The following SLC35F2 variants were observed in gnomAD, a reference collection of about 807,000 sequenced individuals.
SLC35F2 encodes solute carrier family 35 member F2, also known as queuine/queuosine transporter SLC35F2.
A neutral mutation model predicts 38.1 loss-of-function variants in SLC35F2; 25 were observed. The observed-to-expected ratio is 0.66, with a 90% CI of 0.48 to 0.92. The LOEUF is 0.92. SLC35F2 is among the 40% of genes least tolerant of loss of function. The pLI is 0.00. For missense variants in SLC35F2, 409 were observed against 452.9 expected, an observed-to-expected ratio of 0.90 and a Z score of 0.88; for synonymous variants, 173 against 181.7, an observed-to-expected ratio of 0.95 and a Z score of 0.38.
intron 7 of SLC35F2, among the ~76,000 whole-genome samples, chr11:107,800,034 G>A (rs187692960): frequency 4.1e-3 from 610 of 148,976 alleles, no homozygotes; most frequent in African/African-American, 0.014. Context: ...GATTACAGGC[G>A]TATGCCACCA....
At chr11:107,816,267 C>CATGTGT in intron 1 of SLC35F2, 1 of 953,656 alleles carries the variant, frequency 1.0e-6, no homozygotes, top group African/African-American at 1.8e-5. Context: ...AAAGTGCGCA[C>CATGTGT]GTGTGTGTGT....
intron 1 of SLC35F2, chr11:107,821,314 A>G: frequency 1.3e-6 from 1 of 792,054 alleles, no homozygotes; most frequent in Non-Finnish European, 1.5e-6. Context: ...TCCTCCAACT[A>G]TAAAGTAAAA....
chr11:107,812,050 C>CAT (rs1565431332), intron 2 of SLC35F2, among the ~76,000 whole-genome samples: 1 of 152,058 alleles, frequency 6.6e-6, no homozygotes, highest in African/African-American at 2.4e-5. Flanking sequence ...CACAGGCGTA[C>CAT]GCCACCATAC....
chr11:107,821,465 G>A lies in SLC35F2; in HGVS notation c.111-5500C>T, dbSNP rs189243198. The A allele has an allele frequency of 6.1e-6, 6 of 985,352 alleles. No homozygotes were observed. In the Admixed American group the frequency reaches 2.5e-4, roughly 40 times the overall value. The allele number at this position is 985,352 out of a possible 1,614,324, so 61.0% of individuals were successfully genotyped here. A position where few individuals can be genotyped will look rare whatever the true frequency, so the allele number is the denominator to read the frequency against. ...GCAAGAGTGAGAGAGAAAAGCTGGC[G>A]GGGAGGGGGTAGGAAATTGAGCAAA... On this transcript the variant is annotated intron_variant, in intron 1 of 7. Transcript: ENST00000525815.
intron 2 of SLC35F2, 129 bp downstream of exon 2, chr11:107,815,661 T>G: frequency 9.3e-7 from 1 of 1,072,492 alleles, no homozygotes. Context: ...CTTACTTTAA[T>G]CAACAATTTC....
intron 1 of SLC35F2, among the ~76,000 whole-genome samples, chr11:107,853,278 C>A (rs868832539): frequency 5.3e-5 from 8 of 152,140 alleles, no homozygotes; most frequent in Admixed American, 6.6e-5. Context: ...CTGAACCTTG[C>A]ACTTATCTTT....
intron 3 of SLC35F2, chr11:107,810,903 A>T (rs1454368643): frequency 2.0e-6 from 2 of 981,190 alleles, no homozygotes; most frequent in Non-Finnish European, 2.4e-6. Context: ...AAAGGGACAT[A>T]TCAAAAAGTT....
At chr11:107,802,242 A>AAAAAAAAAAAAAAAATAAAT (rs559048077) in intron 7 of SLC35F2, among the ~76,000 whole-genome samples, 10 of 147,890 alleles carry the variant, frequency 6.8e-5, no homozygotes, top group African/African-American at 1.8e-4. Flanking sequence ...CATCTCAAAA[A>AAAAAAAAAAAAAAAATAAAT]AAATAAATAA....
intron 5 of SLC35F2, chr11:107,805,115 G>A: frequency 1.0e-6 from 1 of 985,332 alleles, no homozygotes; most frequent in Non-Finnish European, 1.2e-6. Context: ...TCTACCACAT[G>A]GTAATCAGGA....
At chr11:107,851,886 G>A (rs1860193270) in intron 1 of SLC35F2, among the ~76,000 whole-genome samples, 7 of 152,188 alleles carry the variant, frequency 4.6e-5, no homozygotes, top group Admixed American at 4.6e-4. Context: ...TTACATCTTT[G>A]TTTAAATAAC....
intron 1 of SLC35F2, among the ~76,000 whole-genome samples, chr11:107,856,497 C>T (rs1251738940): frequency 1.3e-5 from 2 of 152,188 alleles, no homozygotes; most frequent in African/African-American, 2.4e-5. Flanking sequence ...GAGTTCAAGA[C>T]CAGCCTGGTC....
At position 107,831,651 on chromosome 11, in the gene SLC35F2, G is replaced by A. The variant is rs533587443; in HGVS notation, c.111-15686C>T. ...CATTAATCCTATATTTCCCAGGTAG[G>A]TTTTTCTTTTGAGATGGTTGTCTTG... On this transcript the variant is annotated intron_variant, in intron 1 of 7. Coordinates refer to ENST00000525815, the MANE Select transcript of SLC35F2 (RefSeq NM_017515.5). Among the ~76,000 whole-genome samples, 4 of 152,338 alleles carry A rather than the reference G, an allele frequency of 2.6e-5. No homozygotes were observed. The South Asian group carries it at 8.3e-4, about 32-fold the overall frequency.
intron 1 of SLC35F2, among the ~76,000 whole-genome samples, chr11:107,843,246 G>A (rs371192821): frequency 2.6e-5 from 4 of 152,076 alleles, no homozygotes; most frequent in South Asian, 4.1e-4. Context: ...CTGGTGATGC[G>A]TTTACGGGAA....
intron 1 of SLC35F2, among the ~76,000 whole-genome samples, chr11:107,818,096 G>GAAAGAAAT (rs1859610727): frequency 1.6e-5 from 2 of 127,944 alleles, no homozygotes; most frequent in African/African-American, 3.6e-5. Context: ...AAGAAAGAAA[G>GAAAGAAAT]AAAGAAAGAA....
chr11:107,823,499 G>C (rs914193054), intron 1 of SLC35F2, among the ~76,000 whole-genome samples: 4 of 152,068 alleles, frequency 2.6e-5, no homozygotes, highest in Non-Finnish European at 4.4e-5. Context: ...CTTCCAGTAC[G>C]TCTATAAAAA....
rs1208339210 is a variant in SLC35F2, at chr11:107,815,959, A to C, written c.117T>G (p.Ile39Met). 1.2e-6 allele frequency: 2 copies of C among 1,609,432 alleles called. 1 individual carries two copies. The highest frequency in any genetic ancestry group is 2.2e-5 in the South Asian group (2 of 90,132). Reference sequence around the variant, plus strand: ...TCTGACCCAGGGCAATTGTTTTCAAAATATTCCTAGAAAATAAGGGAAGAA... The same window carrying C: ...TCTGACCCAGGGCAATTGTTTTCAACATATTCCTAGAAAATAAGGGAAGAA... The part of the protein sequence containing the change: ...RIKGKLFTWN[I>M]LKTIALGQML... Residue 39 changes from isoleucine (I) to methionine (M), a missense_variant, in exon 2 of 8, where the codon ATT becomes ATG. Ile to Met is a conservative substitution (Grantham distance 10). Coordinates refer to ENST00000525815, the MANE Select transcript of SLC35F2 (RefSeq NM_017515.5).
chr11:107,806,778 A>AC lies in SLC35F2; in HGVS notation c.512dup (p.Cys171TrpfsTer24). On this transcript the variant is annotated frameshift_variant, in exon 4 of 8. Transcript: ENST00000525815. LOFTEE classifies it high-confidence loss of function. Reference sequence around the variant, plus strand: ...CAACCATGGTTCCTACACCCAACAGACAGACAGCCACGGCGATGAAGTGGA... The same window carrying AC: ...CAACCATGGTTCCTACACCCAACAGACCAGACAGCCACGGCGATGAAGTGGA... The AC allele has an allele frequency of 6.2e-7, 1 of 1,614,128 alleles. No homozygotes were observed. The highest frequency in any genetic ancestry group is 1.3e-5 in the African/African-American group (1 of 75,054).
intron 7 of SLC35F2, among the ~76,000 whole-genome samples, chr11:107,801,631 GAAAAAA>G (rs34097885): frequency 6.9e-6 from 1 of 144,504 alleles, no homozygotes; most frequent in African/African-American, 2.5e-5. Flanking sequence ...CTGGATCTAA[GAAAAAA>G]AAAAAAATAG....
intron 1 of SLC35F2, among the ~76,000 whole-genome samples, chr11:107,826,278 C>CTT (rs35417276): frequency 4.6e-4 from 67 of 144,166 alleles, no homozygotes; most frequent in African/African-American, 1.6e-3. Flanking sequence ...AAAGATAAAA[C>CTT]TTTTTTTTTT....
Sources: gnomAD v4.1 joint callset for allele counts (sites outside exome capture counted in the v4.1 genomes callset) on GRCh38, gnomAD v4.1.1 for gene constraint, MANE v1.5 for transcripts, NCBI Gene and HGNC (gene_info 2026-07-23, HGNC 2026-07-21) for gene names.